NARS2: variants seen among roughly 807,000 people sequenced by gnomAD.
NARS2 encodes the protein asparaginyl-tRNA synthetase 2, mitochondrial.
Under a neutral mutation model 62.9 loss-of-function variants are expected in NARS2, and 60 were observed. That is an observed-to-expected ratio of 0.95 (90% CI 0.77 to 1.18). NARS2 has a LOEUF of 1.18. Ranked by LOEUF, NARS2 falls within the 50% of genes most tolerant of loss-of-function variation. NARS2 has a pLI of 0.00. For missense variants in NARS2, 619 were observed against 576.4 expected (o/e 1.07, Z -0.76); for synonymous variants, 196 against 200.0 (o/e 0.98, Z 0.17).
rs1856928277 is a variant in NARS2 at position 78,571,649 on chromosome 11, T to C, written c.142-205A>G. The C allele has an allele frequency of 1.1e-5, 5 of 467,828 alleles. No homozygotes were observed. The East Asian group carries it at 1.6e-4, about 15-fold the overall frequency. 29.0% of individuals were successfully genotyped at this position (467,828 alleles called of 1,614,324 possible). A position where few individuals can be genotyped will look rare whatever the true frequency, so the allele number is the denominator to read the frequency against. Reference sequence around the variant, plus strand: ...CACTTTGGTATTCTATCTTTTGTTTTCGTAATAATGCACAACATTTCGAAT... The same window carrying C: ...CACTTTGGTATTCTATCTTTTGTTTCCGTAATAATGCACAACATTTCGAAT... On this transcript the variant is annotated intron_variant, in intron 1 of 13. Transcript: ENST00000281038.
chr11:78,559,118 C>T (rs1856468587), intron 5 of NARS2, among the ~76,000 whole-genome samples: 1 of 151,920 alleles, frequency 6.6e-6, no homozygotes, highest in Non-Finnish European at 1.5e-5. Flanking sequence ...TCCTGGCTAA[C>T]CAAGAGAAAC....
intron 11 of NARS2, among the ~76,000 whole-genome samples, chr11:78,448,563 A>T (rs1857846369): frequency 6.6e-6 from 1 of 152,130 alleles, no homozygotes; most frequent in South Asian, 2.1e-4. Context: ...CACCCGCCTC[A>T]TCCTCCCAAA....
At chr11:78,556,014 A>G (rs1216038308) in intron 5 of NARS2, among the ~76,000 whole-genome samples, 2 of 152,054 alleles carry the variant, frequency 1.3e-5, no homozygotes, top group East Asian at 1.9e-4. Context: ...GTTGACTTCT[A>G]TTTTATTGTG....
rs149115424 is a variant in NARS2, at chr11:78,477,421, T to C, written c.959+1017A>G. On this transcript the variant is annotated intron_variant, in intron 9 of 13. Transcript: ENST00000281038. ...CAATTTCAGTTAATAGCAACTTCAT[T>C]TTTGCAGCTGTAGGAGAAAAAAAAC... Among the ~76,000 whole-genome samples the C allele has an allele frequency of 3.8e-4, 58 of 152,216 alleles. No homozygotes were observed. The East Asian group carries it at 5.2e-3, about 14-fold the overall frequency.
At chr11:78,445,155 T>C (rs1439660617) in intron 11 of NARS2, among the ~76,000 whole-genome samples, 2 of 152,214 alleles carry the variant, frequency 1.3e-5, no homozygotes, top group African/African-American at 4.8e-5. Flanking sequence ...TCCTCTTTTA[T>C]TTGTATTTTC....
chr11:78,480,711 AAG>A (rs571326386), intron 7 of NARS2, among the ~76,000 whole-genome samples: 3 of 152,190 alleles, frequency 2.0e-5, no homozygotes, highest in Non-Finnish European at 4.4e-5. Context: ...GGTGGGAAAA[AAG>A]AATCAAAAGA....
At chr11:78,512,250 C>G (rs1860747114) in intron 6 of NARS2, among the ~76,000 whole-genome samples, 1 of 152,144 alleles carries the variant, frequency 6.6e-6, no homozygotes, top group African/African-American at 2.4e-5. Context: ...TGTGAGAGTC[C>G]TGAAACCCAG....
intron 10 of NARS2, among the ~76,000 whole-genome samples, chr11:78,466,318 CTACTT>C (rs975686381): frequency 2.9e-5 from 4 of 137,150 alleles, no homozygotes; most frequent in South Asian, 2.4e-4. Context: ...AAAACAAAGT[CTACTT>C]TACAAGGAGA....
rs371342883 is a variant in NARS2, at chr11:78,544,905, G to A, written c.594+14634C>T. 2.0e-5 allele frequency among the ~76,000 whole-genome samples: 3 copies of A among 152,106 alleles called. No individual in the cohort carries two copies. In the South Asian group the frequency reaches 6.2e-4, roughly 32 times the overall value. On this transcript the variant is annotated intron_variant, in intron 5 of 13. Transcript: ENST00000281038. ...TGAGGCAGAAGAATTGCTTGAACAC[G>A]GGAGGCAGAGGTTGCAGTGAGGTGA... is the stretch of plus-strand genomic sequence containing the variant.
intron 6 of NARS2, among the ~76,000 whole-genome samples, chr11:78,504,455 T>TTTC (rs1860411927): frequency 2.0e-5 from 3 of 150,478 alleles, no homozygotes; most frequent in African/African-American, 7.5e-5. Flanking sequence ...TTTTTTTTTT[T>TTTC]TCTGTGTAGG....
chr11:78,539,757 T>C (rs1458688913), intron 5 of NARS2, among the ~76,000 whole-genome samples: 1 of 152,208 alleles, frequency 6.6e-6, no homozygotes, highest in Admixed American at 6.5e-5. Flanking sequence ...GAGCATTTAG[T>C]GGGCAGGAGT....
At chr11:78,537,027 T>C (rs1463342260) in intron 5 of NARS2, among the ~76,000 whole-genome samples, 2 of 152,216 alleles carry the variant, frequency 1.3e-5, no homozygotes, top group Non-Finnish European at 2.9e-5. Context: ...CTGAATAGGT[T>C]TGTACCTAAA....
At chr11:78,562,796 C>T (rs1166507001) in intron 4 of NARS2, among the ~76,000 whole-genome samples, 1 of 152,136 alleles carries the variant, frequency 6.6e-6, no homozygotes, top group Non-Finnish European at 1.5e-5. Context: ...ATACTCAAAC[C>T]AAGAAATAAC....
At chr11:78,549,562 A>G (rs1856015769) in intron 5 of NARS2, among the ~76,000 whole-genome samples, 1 of 152,228 alleles carries the variant, frequency 6.6e-6, no homozygotes, top group African/African-American at 2.4e-5. Flanking sequence ...AGAAACAGAA[A>G]CAGCTGGGAA....
chr11:78,548,440 T>A (rs1472694251), intron 5 of NARS2, among the ~76,000 whole-genome samples: 2 of 152,194 alleles, frequency 1.3e-5, no homozygotes, highest in Non-Finnish European at 2.9e-5. Context: ...AACAACTTAG[T>A]CATAAAAATG....
rs539114920 is a variant in NARS2 at position 78,481,268 on chromosome 11, A to G, written c.823-2585T>C. ...GGGAGGGTGAGAGGGGTATAGGGGTAAGGAATAACTTGATGAAAGGAGAAC... is the reference window on the plus strand; with the variant it reads ...GGGAGGGTGAGAGGGGTATAGGGGTGAGGAATAACTTGATGAAAGGAGAAC... On this transcript the variant is annotated intron_variant, in intron 7 of 13. Transcript: ENST00000281038. 8.7e-4 allele frequency among the ~76,000 whole-genome samples: 133 copies of G among 152,344 alleles called. 3 individuals are homozygous for G. In the South Asian group the frequency reaches 0.026, roughly 30 times the overall value.
chr11:78,494,522 C>G (rs984800548), intron 6 of NARS2, among the ~76,000 whole-genome samples: 10 of 133,972 alleles, frequency 7.5e-5, no homozygotes, highest in Non-Finnish European at 6.2e-5. Context: ...CATAAAGTAA[C>G]TATGGTGAAA....
intron 5 of NARS2, among the ~76,000 whole-genome samples, chr11:78,535,384 A>C (rs1335413644): frequency 1.3e-5 from 2 of 152,234 alleles, no homozygotes; most frequent in Non-Finnish European, 2.9e-5. Flanking sequence ...AAGAATATAA[A>C]AAACATTTTT....
At chr11:78,439,140 C>T (rs765676965) in intron 13 of NARS2, among the ~76,000 whole-genome samples, 3 of 151,936 alleles carry the variant, frequency 2.0e-5, no homozygotes, top group South Asian at 2.1e-4. Flanking sequence ...CAGGTTCAAG[C>T]GATTCTCCTG....
Sources: gnomAD v4.1 joint callset for allele counts (sites outside exome capture counted in the v4.1 genomes callset) on GRCh38, gnomAD v4.1.1 for gene constraint, MANE v1.5 for transcripts, NCBI Gene and HGNC (gene_info 2026-07-23, HGNC 2026-07-21) for gene names.